Variants in TSNARE1 observed in about 807,000 individuals in gnomAD.
The protein encoded by TSNARE1 is t-SNARE domain containing 1, also known as t-SNARE domain-containing protein 1.
A neutral mutation model predicts 62.0 loss-of-function variants in TSNARE1; 49 were observed. The observed-to-expected ratio is 0.79, with a 90% CI of 0.63 to 1.00. TSNARE1 has a LOEUF of 1.00. TSNARE1 is among the 50% of genes least tolerant of loss of function. The pLI is 0.00. For missense variants in TSNARE1, 755 were observed against 700.1 expected (o/e 1.08, Z -0.88); for synonymous variants, 328 against 294.4 (o/e 1.11, Z -1.17).
intron 4 of TSNARE1, among the ~76,000 whole-genome samples, chr8:142,336,839 A>G (rs1362924898): frequency 1.3e-5 from 2 of 152,244 alleles, no homozygotes; most frequent in Non-Finnish European, 1.5e-5. Flanking sequence ...AAAGAGAACT[A>G]GAAATCAGTA....
intron 10 of TSNARE1, among the ~76,000 whole-genome samples, chr8:142,294,034 C>A (rs1217529695): frequency 2.0e-5 from 3 of 152,138 alleles, no homozygotes; most frequent in Non-Finnish European, 4.4e-5. Flanking sequence ...GGGGCAGGGG[C>A]AGCCCACCCA....
intron 10 of TSNARE1, among the ~76,000 whole-genome samples, chr8:142,294,959 G>A (rs1400776976): frequency 3.9e-5 from 6 of 152,268 alleles, no homozygotes; most frequent in South Asian, 4.1e-4. Flanking sequence ...TCACCTCCGC[G>A]GCACCTGGAT....
At chr8:142,250,086 A>G (rs1818088367) in intron 12 of TSNARE1, among the ~76,000 whole-genome samples, 2 of 152,152 alleles carry the variant, frequency 1.3e-5, no homozygotes, top group African/African-American at 4.8e-5. Flanking sequence ...AGTGCGCCGC[A>G]TGAGACCTGC....
rs565127237 is a variant in TSNARE1, at chr8:142,347,476, C to T, written c.89-1584G>A. On this transcript the variant is annotated intron_variant, in intron 2 of 13. Transcript: ENST00000524325. ...CGGCAGGCCCTTCTCCCCTGGCATC[C>T]ACACCATCCTCTCTCTGCACAGAGA... Among the ~76,000 whole-genome samples, 58 of 152,340 alleles carry T rather than the reference C, an allele frequency of 3.8e-4. 2 individuals are homozygous for T. In the South Asian group the frequency reaches 0.012, roughly 31 times the overall value.
rs763203196 is a variant in TSNARE1, at chr8:142,229,489, T to G, written c.1537A>C (p.Lys513Gln). ...GGTACTCACCACGGGTAGCATCACT[T>G]TCGGACAGAGGTGGCGATGATGATG... The part of the protein sequence containing the change: ...IIIIIATSVR[K>Q] Residue 513 changes from lysine (K) to glutamine (Q), a missense_variant, in exon 13 of 14, where the codon AAG (lysine) becomes CAG (glutamine). Coordinates refer to ENST00000524325, the MANE Select transcript of TSNARE1 (RefSeq NM_145003.5). The G allele has an allele frequency of 1.2e-6, 2 of 1,614,036 alleles. No individual in the cohort carries two copies. Among genetic ancestry groups the G allele is most frequent in the Non-Finnish European group, 1.7e-6 (2 of 1,179,968 alleles).
intron 9 of TSNARE1, among the ~76,000 whole-genome samples, chr8:142,302,154 CT>C (rs993852298): frequency 2.0e-5 from 3 of 152,160 alleles, no homozygotes; most frequent in Non-Finnish European, 4.4e-5. Flanking sequence ...TTCAGCAAAC[CT>C]GGCCAGGCTG....
intron 1 of TSNARE1, among the ~76,000 whole-genome samples, chr8:142,395,098 C>G (rs560771645): frequency 1.3e-5 from 2 of 152,300 alleles, no homozygotes; most frequent in South Asian, 4.1e-4. Context: ...GGGGCGGCCC[C>G]GTGCATCAAA....
At position 142,314,402 on chromosome 8, in the gene TSNARE1, C is replaced by T. The variant is rs566719703; in HGVS notation, c.1113G>A (p.Ala371=). Residue 371 remains alanine, a synonymous_variant, in exon 9 of 14, where the codon GCG becomes GCA. Transcript: ENST00000524325. ...CACCCACCTGTTTACTGCCCCTCTG[C>T]GCCATGGGAAGCAGCGCTCTGGACT... is the stretch of plus-strand genomic sequence containing the variant. The part of the protein sequence containing the change: ...AEKSRALLPM[A]QRGSKQSPQA... 1.2e-5 allele frequency: 20 copies of T among 1,613,966 alleles called. No individual in the cohort carries two copies. The highest frequency in any genetic ancestry group is 5.0e-5 in the Admixed American group (3 of 59,996).
At chr8:142,314,487 G>T (rs758125510) in intron 8 of TSNARE1, 47 bp from the exon 9 acceptor site, 14 of 1,559,712 alleles carry the variant, frequency 9.0e-6, no homozygotes, top group Non-Finnish European at 1.2e-5. Flanking sequence ...AGCAAAAAGG[G>T]TGGGGAAGGG....
intron 12 of TSNARE1, among the ~76,000 whole-genome samples, chr8:142,241,179 A>C (rs537857260): frequency 6.6e-6 from 1 of 152,366 alleles, no homozygotes; most frequent in African/African-American, 2.4e-5. Flanking sequence ...AAGTTGCAGG[A>C]TACAAAATCC....
chr8:142,265,257 C>T (rs1184439130), intron 12 of TSNARE1, among the ~76,000 whole-genome samples: 1 of 152,220 alleles, frequency 6.6e-6, no homozygotes, highest in African/African-American at 2.4e-5. Context: ...CCCTACCCCA[C>T]TCCACTTCCC....
At chr8:142,381,648 G>A (rs1836758692) in intron 1 of TSNARE1, among the ~76,000 whole-genome samples, 1 of 152,188 alleles carries the variant, frequency 6.6e-6, no homozygotes, top group South Asian at 2.1e-4. Context: ...ACCCAGGGGA[G>A]CCACACACCT....
chr8:142,219,578 A>C (rs1816106166), intron 13 of TSNARE1, among the ~76,000 whole-genome samples: 1 of 152,180 alleles, frequency 6.6e-6, no homozygotes, highest in Non-Finnish European at 1.5e-5. Context: ...AGGTCTCCTG[A>C]CCGACACGTG....
intron 12 of TSNARE1, among the ~76,000 whole-genome samples, chr8:142,230,169 G>T (rs1240302000): frequency 1.3e-5 from 2 of 152,222 alleles, no homozygotes; most frequent in Non-Finnish European, 2.9e-5. Flanking sequence ...GGGATTTGAA[G>T]GCTTCATGTA....
At chr8:142,356,650 T>C (rs1310595301) in intron 1 of TSNARE1, among the ~76,000 whole-genome samples, 1 of 152,166 alleles carries the variant, frequency 6.6e-6, no homozygotes, top group Non-Finnish European at 1.5e-5. Flanking sequence ...CAGCTAGCAC[T>C]TCCTTAACAC....
chr8:142,374,093 CA>C (rs1836118464), intron 1 of TSNARE1, among the ~76,000 whole-genome samples: 2 of 152,084 alleles, frequency 1.3e-5, no homozygotes, highest in African/African-American at 2.4e-5. Flanking sequence ...CACTTGAGGT[CA>C]GGAGTTCGAG....
intron 1 of TSNARE1, among the ~76,000 whole-genome samples, chr8:142,390,707 TAACAGAAGCTGTACACTGCGGGGGACTCC>T (rs1837447133): frequency 8.7e-5 from 1 of 11,558 alleles, no homozygotes; most frequent in Non-Finnish European, 1.4e-4. Flanking sequence ...GGGGACTCCG[TAACAGAAGCTGTACACTGCGGGGGACTCC>T]GTAACAGACG....
At chr8:142,376,754 A>G (rs1433029309) in intron 1 of TSNARE1, among the ~76,000 whole-genome samples, 1 of 152,158 alleles carries the variant, frequency 6.6e-6, no homozygotes, top group Non-Finnish European at 1.5e-5. Context: ...GGGCCCGGGC[A>G]TGGGGGCTGT....
chr8:142,352,555 C>T (rs751380408), intron 2 of TSNARE1, among the ~76,000 whole-genome samples: 6 of 152,268 alleles, frequency 3.9e-5, no homozygotes, highest in Non-Finnish European at 8.8e-5. Context: ...ATGCGGAACA[C>T]GCACAGACGC....
Sources: allele counts gnomAD v4.1 joint callset (sites outside exome capture counted in the v4.1 genomes callset), GRCh38; gene constraint gnomAD v4.1.1; transcripts MANE v1.5; gene names NCBI Gene and HGNC (gene_info 2026-07-23, HGNC 2026-07-21).